PRKN: variants seen among roughly 807,000 people sequenced by gnomAD.
The protein encoded by PRKN is E3 ubiquitin-protein ligase parkin.
Under a neutral mutation model 59.5 loss-of-function variants are expected in PRKN, and 56 were observed. The ratio of observed to expected loss-of-function variants is 0.94; its 90% CI spans 0.76 to 1.18. The LOEUF (loss-of-function observed/expected upper bound fraction) is 1.18, where lower values mean the gene tolerates loss of function less well. Among genes scored for constraint, PRKN ranks in the 50% most tolerant of loss-of-function variants. The probability of loss-of-function intolerance (pLI) is 0.00; values close to 1 mark genes in which losing one functional copy is unlikely to be tolerated. For missense variants in PRKN, 657 were observed against 596.4 expected, an observed-to-expected ratio of 1.10 and a Z score of -1.06; for synonymous variants, 250 against 222.1, an observed-to-expected ratio of 1.13 and a Z score of -1.12.
At chr6:161,946,778 A>T (rs182563166) in intron 6 of PRKN, among the ~76,000 whole-genome samples, 14 of 152,314 alleles carry the variant, frequency 9.2e-5, no homozygotes, top group African/African-American at 3.4e-4. Context: ...AAGGAAAAAA[A>T]GTAAGCGATC....
chr6:162,475,623 G>A (rs1201415629), intron 1 of PRKN, among the ~76,000 whole-genome samples: 8 of 152,318 alleles, frequency 5.3e-5, no homozygotes, highest in Non-Finnish European at 7.4e-5. Flanking sequence ...GTGAGTGTAC[G>A]TGTGCAAATC....
intron 3 of PRKN, among the ~76,000 whole-genome samples, chr6:162,216,545 A>AC (rs1182197899): frequency 6.7e-6 from 1 of 149,612 alleles, no homozygotes; most frequent in African/African-American, 2.5e-5. Context: ...TCAAAAAAAA[A>AC]AAAAAAAAAA....
Position 161,656,942 on chromosome 6 carries a change from C to T in PRKN, c.872-87526G>A, listed in dbSNP as rs566342291. Among the ~76,000 whole-genome samples the T allele has an allele frequency of 9.2e-5, 14 of 152,232 alleles. No homozygotes were observed. In the South Asian group the frequency reaches 1.5e-3, roughly 16 times the overall value. On this transcript the variant is annotated intron_variant, in intron 7 of 11. Coordinates refer to ENST00000366898, the MANE Select transcript of PRKN (RefSeq NM_004562.3). Reference sequence around the variant, plus strand: ...ACGAATGTCAACGAAGACGGGGACTCGTAAGTTGTGTGTTTCTGACCCTAG... The same window carrying T: ...ACGAATGTCAACGAAGACGGGGACTTGTAAGTTGTGTGTTTCTGACCCTAG...
chr6:162,431,852 G>C (rs1789545812), intron 2 of PRKN, among the ~76,000 whole-genome samples: 1 of 152,096 alleles, frequency 6.6e-6, no homozygotes, highest in South Asian at 2.1e-4. Flanking sequence ...AAAATCTATA[G>C]GTATGTTTTC....
chr6:162,430,264 T>C (rs1789452063), intron 2 of PRKN, among the ~76,000 whole-genome samples: 1 of 152,276 alleles, frequency 6.6e-6, no homozygotes, highest in African/African-American at 2.4e-5. Flanking sequence ...TATTTCTGTT[T>C]GGTGACTCAT....
At chr6:162,472,468 T>TATATATATATATATATATA (rs1385821060) in intron 1 of PRKN, among the ~76,000 whole-genome samples, 91 of 104,270 alleles carry the variant, frequency 8.7e-4, no homozygotes, top group South Asian at 2.4e-3. Flanking sequence ...TTTTATTTTA[T>TATATATATATATATATATA]TTTATTTTAT....
At chr6:162,608,417 G>A (rs1461016249) in intron 1 of PRKN, among the ~76,000 whole-genome samples, 2 of 152,182 alleles carry the variant, frequency 1.3e-5, no homozygotes, top group Admixed American at 6.5e-5. Context: ...GGAGGTCAAG[G>A]TGTCGGATGC....
At chr6:162,182,389 C>T (rs377568878) in intron 4 of PRKN, among the ~76,000 whole-genome samples, 10 of 152,272 alleles carry the variant, frequency 6.6e-5, no homozygotes, top group Non-Finnish European at 8.8e-5. Flanking sequence ...CACGTAGAAG[C>T]GTCTCAGCCT....
At position 161,907,390 on chromosome 6, in the gene PRKN, T is replaced by C. The variant is rs575903106; in HGVS notation, c.734+65912A>G. Among the ~76,000 whole-genome samples the C allele has an allele frequency of 5.3e-5, 8 of 152,268 alleles. No individual in the cohort carries two copies. The South Asian group carries it at 1.7e-3, about 32-fold the overall frequency. ...TTGTTGAGGCAATCAGCATCTCAAC[T>C]CCTATTACACCTTAAAAATTATTTC... is the stretch of plus-strand genomic sequence containing the variant. On this transcript the variant is annotated intron_variant, in intron 6 of 11. Coordinates refer to ENST00000366898, the MANE Select transcript of PRKN (RefSeq NM_004562.3).
chr6:162,396,949 C>T (rs568204325), intron 2 of PRKN, among the ~76,000 whole-genome samples: 1 of 152,188 alleles, frequency 6.6e-6, no homozygotes, highest in Non-Finnish European at 1.5e-5. Flanking sequence ...AATATACACA[C>T]AGGCATAGGG....
intron 1 of PRKN, among the ~76,000 whole-genome samples, chr6:162,498,515 G>A (rs1336842281): frequency 2.3e-5 from 3 of 132,746 alleles, no homozygotes; most frequent in Admixed American, 8.8e-5. Context: ...GTGCGATCTC[G>A]GTTGACTGCA....
At chr6:162,192,106 T>C (rs925341829) in intron 4 of PRKN, among the ~76,000 whole-genome samples, 1 of 151,140 alleles carries the variant, frequency 6.6e-6, no homozygotes. Context: ...GGTTGAGTTT[T>C]CTCAAACCCT....
intron 2 of PRKN, among the ~76,000 whole-genome samples, chr6:162,355,396 T>TATCTATCTATCTATCA (rs1784810188): frequency 6.6e-6 from 1 of 151,892 alleles, no homozygotes; most frequent in African/African-American, 2.4e-5. Context: ...GTAATCTATC[T>TATCTATCTATCTATCA]ATCTATCTAT....
intron 1 of PRKN, among the ~76,000 whole-genome samples, chr6:162,713,501 A>AAAG (rs1247176846): frequency 2.0e-5 from 3 of 151,360 alleles, no homozygotes; most frequent in Non-Finnish European, 4.4e-5. Context: ...CTCAAAAAAA[A>AAAG]AAAAAAAAAA....
intron 4 of PRKN, among the ~76,000 whole-genome samples, chr6:162,139,362 C>A (rs1004177799): frequency 6.6e-6 from 1 of 152,086 alleles, no homozygotes; most frequent in Non-Finnish European, 1.5e-5. Context: ...ATAAAGCCTT[C>A]CCTTGAAGAG....
intron 7 of PRKN, among the ~76,000 whole-genome samples, chr6:161,656,090 G>A (rs2128163749): frequency 6.6e-6 from 1 of 152,314 alleles, no homozygotes; most frequent in East Asian, 1.9e-4. Context: ...GACTGTGGCA[G>A]CTCGGGTAAC....
intron 7 of PRKN, among the ~76,000 whole-genome samples, chr6:161,685,050 TC>T: frequency 6.6e-6 from 1 of 152,352 alleles, no homozygotes; most frequent in East Asian, 1.9e-4. Context: ...CTCTTTTTTT[TC>T]CTATTAGAAC....
rs915232770 is a variant in PRKN, at chr6:161,484,001, A to T, written c.1083+64853T>A. Among the ~76,000 whole-genome samples, 3 of 152,106 alleles carry T rather than the reference A, an allele frequency of 2.0e-5. No individual in the cohort carries two copies. In the South Asian group the frequency reaches 6.2e-4, roughly 32 times the overall value. The stretch of plus-strand genomic sequence containing the variant: ...TGAGCACACATGGACACATGGGGGA[A>T]CAACACACACTGGGGCCTGCTGGGG... On this transcript the variant is annotated intron_variant, in intron 9 of 11. Coordinates refer to ENST00000366898, the MANE Select transcript of PRKN (RefSeq NM_004562.3). The surrounding 1 kb of genome is among the most constrained non-coding windows in gnomAD (Gnocchi z 4.9).
chr6:162,098,493 G>T (rs1042710389), intron 4 of PRKN, among the ~76,000 whole-genome samples: 4 of 152,128 alleles, frequency 2.6e-5, no homozygotes, highest in Admixed American at 6.5e-5. Flanking sequence ...AAGCTATTTG[G>T]ACACTAAGCT....
Sources: gnomAD v4.1 joint callset for allele counts (sites outside exome capture counted in the v4.1 genomes callset) on GRCh38, gnomAD v4.1.1 for gene constraint, Gnocchi (gnomAD v3.1) non-coding constraint, MANE v1.5 for transcripts, NCBI Gene and HGNC (gene_info 2026-07-23, HGNC 2026-07-21) for gene names.